TTBK1: variants seen among roughly 807,000 people sequenced by gnomAD.
TTBK1 encodes the protein tau-tubulin kinase 1.
Under a neutral mutation model 108.5 loss-of-function variants are expected in TTBK1, and 34 were observed. That is an observed-to-expected ratio of 0.31 (90% CI 0.24 to 0.42). The LOEUF (loss-of-function observed/expected upper bound fraction) is 0.42, where lower values mean the gene tolerates loss of function less well. TTBK1 is among the 10% of genes least tolerant of loss of function. The pLI is 1.00. For missense variants in TTBK1, 1,539 were observed against 1,826.0 expected, an observed-to-expected ratio of 0.84 and a Z score of 2.86; for synonymous variants, 809 against 795.1, an observed-to-expected ratio of 1.02 and a Z score of -0.29.
chr6:43,283,067 T>C lies in TTBK1; in HGVS notation c.2327T>C (p.Val776Ala), dbSNP rs1327613834. 1 of 1,587,450 alleles carries C rather than the reference T, an allele frequency of 6.3e-7. No individual in the cohort carries two copies. Among genetic ancestry groups the C allele is most frequent in the East Asian group, 2.3e-5 (1 of 43,738 alleles). ...EEEEEEAAAA[V>A]ALGEVLGPRS... ...GAGGAGGAGGAGGCTGCAGCGGCAG[T>C]TGCCTTGGGGGAGGTGCTGGGGCCT... The change falls in exon 14 of 15, where the codon GTT becomes GCT. Residue 776 changes from valine (V) to alanine (A), a missense_variant. Coordinates refer to ENST00000259750, the MANE Select transcript of TTBK1 (RefSeq NM_032538.3). This position sits in a 1 kb window ranked among gnomAD's most constrained non-coding sequence, Gnocchi z 8.1.
At chr6:43,252,713 C>T in intron 2 of TTBK1, 26 bp from the exon 3 acceptor site, 1 of 1,612,876 alleles carries the variant, frequency 6.2e-7, no homozygotes, top group Non-Finnish European at 8.5e-7. Context: ...GATCCCTGAG[C>T]ACCCCCTATC....
At chr6:43,274,278 C>A (rs1342296764) in intron 13 of TTBK1, among the ~76,000 whole-genome samples, 1 of 152,176 alleles carries the variant, frequency 6.6e-6, no homozygotes, top group East Asian at 1.9e-4. Context: ...CAGACACAGC[C>A]CTGCCTAGTG....
chr6:43,246,745 G>A lies in TTBK1; in HGVS notation c.85G>A (p.Val29Met), dbSNP rs759961767. The change falls in exon 2 of 15, where the codon GTG becomes ATG. Residue 29 changes from valine to methionine, a missense_variant. By Grantham distance (21) the Val-to-Met change is conservative. Coordinates refer to ENST00000259750, the MANE Select transcript of TTBK1 (RefSeq NM_032538.3). ...EQADILPANYVVKDRWKVLKK... is the reference protein window; with the variant it reads ...EQADILPANYMVKDRWKVLKK... ...GGCCGACATCCTGCCGGCCAACTAC[G>A]TGGTCAAGGATCGCTGGAAGGTGGT... 5.6e-6 allele frequency: 9 copies of A among 1,612,034 alleles called. No individual in the cohort carries two copies. The East Asian group carries it at 2.0e-4, about 36-fold the overall frequency.
intron 12 of TTBK1, among the ~76,000 whole-genome samples, chr6:43,261,970 A>T (rs1179893935): frequency 6.6e-6 from 1 of 152,110 alleles, no homozygotes; most frequent in African/African-American, 2.4e-5. Context: ...CCCTGTGATG[A>T]GAGAGAGATA....
At chr6:43,258,023 C>A in intron 10 of TTBK1, 57 bp downstream of exon 10, 3 of 1,571,262 alleles carry the variant, frequency 1.9e-6, no homozygotes, top group Non-Finnish European at 1.7e-6. Flanking sequence ...CCTAAGAGGG[C>A]AGGCGGTCCT....
At chr6:43,252,554 G>A (rs956990389) in intron 2 of TTBK1, among the ~76,000 whole-genome samples, 185 bp from the exon 3 acceptor site, 15 of 151,652 alleles carry the variant, frequency 9.9e-5, no homozygotes, top group Non-Finnish European at 1.5e-4. Context: ...CACGGAAGGC[G>A]GAGGTTGCAG....
intron 13 of TTBK1, chr6:43,271,902 G>C (rs1360738227): frequency 1.5e-6 from 1 of 681,368 alleles, no homozygotes; most frequent in African/African-American, 3.0e-5. Flanking sequence ...GCTCACTTTT[G>C]AATCTCCCCA....
rs934520003 is a variant in TTBK1, at chr6:43,257,651, CA to C, written c.862-160del. Among the ~76,000 whole-genome samples, 2 of 152,100 alleles carry C rather than the reference CA, an allele frequency of 1.3e-5. No individual in the cohort carries two copies. The highest frequency in any genetic ancestry group is 2.9e-5 in the Non-Finnish European group (2 of 68,020). On this transcript the variant is annotated intron_variant, in intron 9 of 14. Coordinates refer to ENST00000259750, the MANE Select transcript of TTBK1 (RefSeq NM_032538.3). The surrounding 1 kb of genome is among the most constrained non-coding windows in gnomAD (Gnocchi z 4.5). ...GATTTGCATATCATGTGCATGTTTT[CA>C]TTTAAAATCAATGTGCCGTTCTCCT... is the stretch of plus-strand genomic sequence containing the variant.
In TTBK1 at chr6:43,254,586, A is replaced by G; in HGVS notation, c.511A>G (p.Lys171Glu). ...AMGRLPSTYR[K>E]CYMLDFGLAR... ...GGGCAGGCTGCCCTCCACCTACAGG[A>G]AGTGCTATATGCTGGACTTCGGGCT... The change falls in exon 6 of 15, where the codon AAG (lysine) becomes GAG (glutamate). Residue 171 changes from lysine (K) to glutamate (E), a missense_variant. Physicochemically the swap from Lys to Glu is moderately conservative, Grantham distance 56 (BLOSUM62 1). This residue lies in a region of TTBK1 where 155 missense variants were observed against 348.5 expected (regional missense o/e 0.44). Coordinates refer to ENST00000259750, the MANE Select transcript of TTBK1 (RefSeq NM_032538.3). The G allele has an allele frequency of 6.3e-7, 1 of 1,584,788 alleles. No individual in the cohort carries two copies. The highest frequency in any genetic ancestry group is 8.6e-7 in the Non-Finnish European group (1 of 1,168,250).
intron 12 of TTBK1, among the ~76,000 whole-genome samples, chr6:43,260,560 G>C (rs1021400341): frequency 6.6e-6 from 1 of 152,190 alleles, no homozygotes; most frequent in African/African-American, 2.4e-5. Flanking sequence ...GTTGGCTTAC[G>C]TAGGACTGAA....
At chr6:43,247,672 T>C (rs1470367965) in intron 2 of TTBK1, among the ~76,000 whole-genome samples, 2 of 151,528 alleles carry the variant, frequency 1.3e-5, no homozygotes, top group African/African-American at 4.9e-5. Context: ...GCTTGGCGCG[T>C]GTGCGCACCC....
In TTBK1 at chr6:43,253,130, A is replaced by G. The variant is rs1274047335; in HGVS notation, c.257-161A>G. On this transcript the variant is annotated intron_variant, in intron 3 of 14. Transcript: ENST00000259750. The surrounding 1 kb of genome is among the most constrained non-coding windows in gnomAD (Gnocchi z 5.8). Reference sequence around the variant, plus strand: ...CAAGGAAGTAATCGAGCTGGAGTCTAGGAGACATGATGAGGCTAGGGCCAG... The same window carrying G: ...CAAGGAAGTAATCGAGCTGGAGTCTGGGAGACATGATGAGGCTAGGGCCAG... Among the ~76,000 whole-genome samples, 1 of 152,116 alleles carries G rather than the reference A, an allele frequency of 6.6e-6. No individual in the cohort carries two copies. The highest frequency in any genetic ancestry group is 1.5e-5 in the Non-Finnish European group (1 of 68,008).
At position 43,282,354 on chromosome 6, in the gene TTBK1, AG is replaced by A. The variant is rs1467418750; in HGVS notation, c.1987-372del. Among the ~76,000 whole-genome samples, 2 of 152,140 alleles carry A rather than the reference AG, an allele frequency of 1.3e-5. No homozygotes were observed. The highest frequency in any genetic ancestry group is 4.8e-5 in the African/African-American group (2 of 41,434). ...CTGCGTGGTGGTCGTGGTTCCTTCC[AG>A]TTTTCATTTTCTGTTATTGTTGCTG... On this transcript the variant is annotated intron_variant, in intron 13 of 14. Coordinates refer to ENST00000259750, the MANE Select transcript of TTBK1 (RefSeq NM_032538.3). This position sits in a 1 kb window ranked among gnomAD's most constrained non-coding sequence, Gnocchi z 5.4.
At chr6:43,260,611 C>T (rs1777514382) in intron 12 of TTBK1, among the ~76,000 whole-genome samples, 1 of 152,118 alleles carries the variant, frequency 6.6e-6, no homozygotes, top group African/African-American at 2.4e-5. Flanking sequence ...GTCCCTCTCC[C>T]TGGAGACGGA....
Position 43,273,209 on chromosome 6 carries a change from G to C in TTBK1, c.1987-9518G>C, listed in dbSNP as rs1247097271. 6.6e-6 allele frequency among the ~76,000 whole-genome samples: 1 copy of C among 152,228 alleles called. No individual in the cohort carries two copies. Among genetic ancestry groups the C allele is most frequent in the East Asian group, 1.9e-4 (1 of 5,202 alleles). Reference sequence around the variant, plus strand: ...TGCCGAATAATCTGAGGTCTTGTTTGACAGAGTTTGTGAAACATCTTGGTC... The same window carrying C: ...TGCCGAATAATCTGAGGTCTTGTTTCACAGAGTTTGTGAAACATCTTGGTC... On this transcript the variant is annotated intron_variant, in intron 13 of 14. Transcript: ENST00000259750. The surrounding 1 kb of genome is among the most constrained non-coding windows in gnomAD (Gnocchi z 4.2).
At chr6:43,261,948 A>G (rs2150694363) in intron 12 of TTBK1, among the ~76,000 whole-genome samples, 2 of 152,306 alleles carry the variant, frequency 1.3e-5, no homozygotes, top group Middle Eastern at 6.8e-3. Context: ...TATGTGACAG[A>G]CATGAGGTTC....
intron 1 of TTBK1, among the ~76,000 whole-genome samples, chr6:43,244,576 C>T (rs1044381001): frequency 5.9e-5 from 9 of 152,220 alleles, no homozygotes; most frequent in African/African-American, 2.2e-4. Context: ...CTCAGCTGAG[C>T]ATAGTCCTCA....
rs550697360 is a variant in TTBK1, at chr6:43,281,703, G to A, written c.1987-1024G>A. Reference sequence around the variant, plus strand: ...CTTCTGGTCTGGATGGGCTGTGTTCGGCTAGCTTAGGAAGACAGAAGCCCA... The same window carrying A: ...CTTCTGGTCTGGATGGGCTGTGTTCAGCTAGCTTAGGAAGACAGAAGCCCA... On this transcript the variant is annotated intron_variant, in intron 13 of 14. Transcript: ENST00000259750. 2.1e-4 allele frequency among the ~76,000 whole-genome samples: 32 copies of A among 152,250 alleles called. 1 individual carries two copies. The highest frequency in any genetic ancestry group is 6.5e-4 in the African/African-American group (27 of 41,548).
chr6:43,283,422 G>A lies in TTBK1; in HGVS notation c.2682G>A (p.Glu894=), dbSNP rs1251564563. ...PGTLSSVLKS[E]PKPPGPGAGL... ...CCCTGTCCTCTGTCCTCAAGTCTGAGCCCAAGCCCCCGGGGCCTGGGGCAG... is the reference window on the plus strand; with the variant it reads ...CCCTGTCCTCTGTCCTCAAGTCTGAACCCAAGCCCCCGGGGCCTGGGGCAG... The change falls in exon 14 of 15, where the codon GAG becomes GAA. Residue 894 remains glutamate, a synonymous_variant. Transcript: ENST00000259750. The surrounding 1 kb of genome is among the most constrained non-coding windows in gnomAD (Gnocchi z 8.1). 6.2e-7 allele frequency: 1 copy of A among 1,613,162 alleles called. No homozygotes were observed. Among genetic ancestry groups the A allele is most frequent in the Non-Finnish European group, 8.5e-7 (1 of 1,179,594 alleles).
Sources: allele counts gnomAD v4.1 joint callset (sites outside exome capture counted in the v4.1 genomes callset), GRCh38; gene constraint gnomAD v4.1.1; regional missense constraint gnomAD v4.1.1; non-coding constraint Gnocchi (gnomAD v3.1); transcripts MANE v1.5; gene names NCBI Gene and HGNC (gene_info 2026-07-23, HGNC 2026-07-21).